Variants in WNT8A observed in about 807,000 individuals in gnomAD.
The protein encoded by WNT8A is Wnt family member 8A, also known as protein Wnt-8a.
Under a neutral mutation model 20.5 loss-of-function variants are expected in WNT8A, and 14 were observed. The observed-to-expected ratio is 0.68, with a 90% confidence interval of 0.45 to 1.07. The LOEUF is 1.07. Among genes scored for constraint, WNT8A ranks in the 50% least tolerant of loss-of-function variants. The probability of loss-of-function intolerance (pLI) is 0.00; values close to 1 mark genes in which losing one functional copy is unlikely to be tolerated. For synonymous variants in WNT8A, 167 were observed against 169.2 expected, an observed-to-expected ratio of 0.99 and a Z score of 0.10; for missense variants, 397 against 462.9, an observed-to-expected ratio of 0.86 and a Z score of 1.31.
upstream of WNT8A, among the ~76,000 whole-genome samples, chr5:138,082,580 AAAAAT>A (rs1750535175): frequency 6.6e-6 from 1 of 152,008 alleles, no homozygotes; most frequent in Non-Finnish European, 1.5e-5. Flanking sequence ...CTCTGCCTCA[AAAAAT>A]AAAATAAAAT....
Position 138,091,019 on chromosome 5 carries a change from T to G in WNT8A, c.1056T>G (p.Tyr352Ter). ...AGTGTAGGCATGTGGTGAGCAAGTA[T>G]TACTGCGCACGCTCCCCAGGCAGTG... ...CDQCRHVVSK[Y>*]YCARSPGSAQ... The change falls in exon 5 of 5, where the codon TAT becomes TAG. Residue 352 changes from tyrosine (Y) to a stop codon, truncating the protein, a stop_gained. Coordinates refer to ENST00000506684, the MANE Select transcript of WNT8A (RefSeq NM_001300939.2). LOFTEE classifies it low-confidence loss of function (END_TRUNC). The G allele has an allele frequency of 6.2e-7, 1 of 1,614,086 alleles. No homozygotes were observed. The highest frequency in any genetic ancestry group is 8.5e-7 in the Non-Finnish European group (1 of 1,180,016).
the WNT8A span, among the ~76,000 whole-genome samples, chr5:138,078,067 C>CT: frequency 6.6e-6 from 1 of 152,024 alleles, no homozygotes; most frequent in Non-Finnish European, 1.5e-5. Context: ...AAGTATTCCA[C>CT]TTTTTTTCCC....
At chr5:138,081,024 G>A (rs1309841860), upstream of WNT8A, among the ~76,000 whole-genome samples, 7 of 151,984 alleles carry the variant, frequency 4.6e-5, no homozygotes, top group Non-Finnish European at 8.8e-5. Flanking sequence ...GGTGGATCAC[G>A]AGGTCAGGAG....
chr5:138,091,889 A>G (rs1229943465), downstream of WNT8A, among the ~76,000 whole-genome samples: 1 of 61,356 alleles, frequency 1.6e-5, no homozygotes, highest in Non-Finnish European at 4.1e-5. Flanking sequence ...TAAAGAGAAA[A>G]GAAAATAAAT....
At position 138,087,905 on chromosome 5, in the gene WNT8A, G is replaced by A; in HGVS notation, c.395G>A (p.Cys132Tyr). ...ATGGGTGACTTCGAAAACTGTGGCT[G>A]TGATGGGTCAAACAATGGAAAAACA... ...CSMGDFENCG[C>Y]DGSNNGKTGG... Residue 132 changes from cysteine to tyrosine, a missense_variant, in exon 3 of 5, where the codon TGT (cysteine) becomes TAT (tyrosine). Coordinates refer to ENST00000506684, the MANE Select transcript of WNT8A (RefSeq NM_001300939.2). The A allele has an allele frequency of 6.2e-7, 1 of 1,613,988 alleles. No individual in the cohort carries two copies. The highest frequency in any genetic ancestry group is 8.5e-7 in the Non-Finnish European group (1 of 1,179,910).
chr5:138,087,999 C>A (rs376723252), intron 3 of WNT8A, 68 bp downstream of exon 3: 3 of 1,591,090 alleles, frequency 1.9e-6, no homozygotes, highest in Non-Finnish European at 2.6e-6. Context: ...AGACTAAAGT[C>A]TTCCAGAGAA....
Position 138,090,869 on chromosome 5 carries a change from G to A in WNT8A, c.906G>A (p.Arg302=). The change falls in exon 5 of 5, where the codon AGG becomes AGA. Residue 302 remains arginine (R), a synonymous_variant. Coordinates refer to ENST00000506684, the MANE Select transcript of WNT8A (RefSeq NM_001300939.2). ...TACAGAACAGCCACAACACATCCAG[G>A]TGGGAGCGACGTAGCTGTGGGCGCC... The part of the protein sequence containing the change: ...ECLQNSHNTS[R]WERRSCGRLC... 2.5e-6 allele frequency: 4 copies of A among 1,614,210 alleles called. No individual in the cohort carries two copies. Among genetic ancestry groups the A allele is most frequent in the Admixed American group, 1.7e-5 (1 of 60,014 alleles).
At chr5:138,079,346 ATAAT>A (rs1036019873), upstream of WNT8A, among the ~76,000 whole-genome samples, 1 of 112,046 alleles carries the variant, frequency 8.9e-6, no homozygotes, top group Non-Finnish European at 2.0e-5. Context: ...TAATTATATA[ATAAT>A]TATATATTAA....
chr5:138,082,754 G>A (rs1384606039), upstream of WNT8A, among the ~76,000 whole-genome samples: 1 of 151,822 alleles, frequency 6.6e-6, no homozygotes, highest in East Asian at 1.9e-4. Context: ...GCGCACACCT[G>A]TAATCCCAGC....
chr5:138,086,681 T>C (rs973520296), intron 2 of WNT8A, among the ~76,000 whole-genome samples: 2 of 150,776 alleles, frequency 1.3e-5, no homozygotes, highest in African/African-American at 4.9e-5. Flanking sequence ...GACGGGAGGA[T>C]TGCTTGCGCC....
intron 2 of WNT8A, among the ~76,000 whole-genome samples, chr5:138,086,878 C>T (rs1233725752): frequency 1.2e-5 from 1 of 80,154 alleles, no homozygotes; most frequent in Non-Finnish European, 2.5e-5. Context: ...GTACTAAAGA[C>T]CAAAAAAAAA....
chr5:138,088,210 G>C (rs920409784), intron 3 of WNT8A, among the ~76,000 whole-genome samples: 1 of 152,066 alleles, frequency 6.6e-6, no homozygotes, highest in Non-Finnish European at 1.5e-5. Context: ...GGCTTGGAAT[G>C]GTTCATCCAT....
At position 138,091,086 on chromosome 5, in the gene WNT8A, C is replaced by A. The variant is rs370043435; in HGVS notation, c.*13C>A. 59 of 1,600,128 alleles carry A rather than the reference C, an allele frequency of 3.7e-5. 1 individual carries two copies. In the African/African-American group the frequency reaches 6.8e-4, roughly 19 times the overall value. On this transcript the variant is annotated 3_prime_UTR_variant, in exon 5 of 5. Transcript: ENST00000506684. ...GGGCAGTGCCTGATAATACCCCACA[C>A]AAGTTCACTTGATTAATTGCATCAG...
At chr5:138,080,457 T>TG (rs1353746172), upstream of WNT8A, among the ~76,000 whole-genome samples, 2 of 143,268 alleles carry the variant, frequency 1.4e-5, no homozygotes, top group Non-Finnish European at 3.0e-5. Flanking sequence ...TTTTTTTTTT[T>TG]TTTTTTTTTT....
upstream of WNT8A, among the ~76,000 whole-genome samples, chr5:138,082,332 A>G (rs951963289): frequency 6.6e-6 from 1 of 152,134 alleles, no homozygotes; most frequent in Non-Finnish European, 1.5e-5. Flanking sequence ...TAATCCCAGC[A>G]CTTCAGGAGG....
upstream of WNT8A, among the ~76,000 whole-genome samples, chr5:138,081,664 A>G (rs1432355643): frequency 6.6e-6 from 1 of 152,038 alleles, no homozygotes; most frequent in Non-Finnish European, 1.5e-5. Flanking sequence ...CCAAGCAGAG[A>G]GGCCCACAAG....
At chr5:138,083,223 G>C (rs1750553909), upstream of WNT8A, among the ~76,000 whole-genome samples, 1 of 149,830 alleles carries the variant, frequency 6.7e-6, no homozygotes, top group Non-Finnish European at 1.5e-5. Context: ...AGAGGTTGTA[G>C]TGAGCTGAGA....
intron 2 of WNT8A, 33 bp downstream of exon 2, chr5:138,084,669 G>T: frequency 6.4e-7 from 1 of 1,570,596 alleles, no homozygotes; most frequent in Non-Finnish European, 8.7e-7. Flanking sequence ...TGTACAAGGG[G>T]TATATATGTG....
In WNT8A at chr5:138,084,672, T is replaced by C. The variant is rs777798550; in HGVS notation, c.295+36T>C. Reference sequence around the variant, plus strand: ...GTGGGACTCACCTGTACAAGGGGTATATATGTGAATGGAGTGGGGCTTGCA... The same window carrying C: ...GTGGGACTCACCTGTACAAGGGGTACATATGTGAATGGAGTGGGGCTTGCA... On this transcript the variant is annotated intron_variant, in intron 2 of 4. Transcript: ENST00000506684. 4.5e-6 allele frequency: 7 copies of C among 1,567,092 alleles called. No individual in the cohort carries two copies. The South Asian group carries it at 5.9e-5, about 13-fold the overall frequency.
Sources: gnomAD v4.1 joint callset for allele counts (sites outside exome capture counted in the v4.1 genomes callset) on GRCh38, gnomAD v4.1.1 for gene constraint, MANE v1.5 for transcripts, NCBI Gene and HGNC (gene_info 2026-07-23, HGNC 2026-07-21) for gene names.